The following EPHB2 variants were observed in gnomAD, a reference collection of about 807,000 sequenced individuals.
EPHB2 encodes ephrin type-B receptor 2.
Under a neutral mutation model 96.4 loss-of-function variants are expected in EPHB2, and 18 were observed. That is an observed-to-expected ratio of 0.19 (90% CI 0.13 to 0.28). The LOEUF (loss-of-function observed/expected upper bound fraction) is 0.28. Ranked by LOEUF, EPHB2 falls within the 10% of genes least tolerant of loss-of-function variation. The pLI is 1.00. For missense variants in EPHB2, 989 were observed against 1,355.4 expected (o/e 0.73, Z 4.25); for synonymous variants, 506 against 534.1 (o/e 0.95, Z 0.72).
rs1180184258 is a variant in EPHB2, at chr1:22,914,307, T to C, written c.*737T>C. 1.8e-5 allele frequency: 3 copies of C among 167,080 alleles called. No individual in the cohort carries two copies. The highest frequency in any genetic ancestry group is 1.8e-4 in the Admixed American group (3 of 17,142). 10.3% of individuals were successfully genotyped at this position (167,080 alleles called of 1,614,324 possible). A position where few individuals can be genotyped will look rare whatever the true frequency, so the allele number is the denominator to read the frequency against. On this transcript the variant is annotated 3_prime_UTR_variant, in exon 16 of 16. Coordinates refer to ENST00000374630, the MANE Select transcript of EPHB2 (RefSeq NM_017449.5). ...TTCCTGAGGATGGGCAACCCCCAGG[T>C]CTGCAGCTCCAGGTACATATCACGC...
intron 4 of EPHB2, among the ~76,000 whole-genome samples, chr1:22,863,832 C>T (rs1638362789): frequency 6.6e-6 from 1 of 152,166 alleles, no homozygotes. Flanking sequence ...TGCCCTCAGC[C>T]TTCTGCCCTC....
chr1:22,768,959 G>A (rs961838029), intron 1 of EPHB2, among the ~76,000 whole-genome samples: 2 of 152,156 alleles, frequency 1.3e-5, no homozygotes, highest in Non-Finnish European at 2.9e-5. Flanking sequence ...CTCCAGGCAG[G>A]GTTAGGATTC....
chr1:22,891,988 G>C (rs372581106), intron 6 of EPHB2, among the ~76,000 whole-genome samples: 17 of 150,734 alleles, frequency 1.1e-4, no homozygotes, highest in African/African-American at 4.1e-4. Context: ...TTAGAGAAAG[G>C]GTCTTGGTAT....
chr1:22,851,412 G>A (rs1403089924), intron 3 of EPHB2, among the ~76,000 whole-genome samples: 1 of 152,220 alleles, frequency 6.6e-6, no homozygotes, highest in Admixed American at 6.5e-5. Flanking sequence ...AGCTGGAGGA[G>A]GGCAAGGACA....
intron 5 of EPHB2, among the ~76,000 whole-genome samples, 184 bp downstream of exon 5, chr1:22,865,396 A>G (rs896048981): frequency 2.6e-5 from 4 of 152,190 alleles, no homozygotes; most frequent in Non-Finnish European, 4.4e-5. Context: ...ATTAATAACA[A>G]TTGCTCCCAT....
In EPHB2 at chr1:22,790,658, C is replaced by A. The variant is rs1644677324; in HGVS notation, c.811+5582C>A. ...CAGCAGGAACCCCCAACCTAGCCTT[C>A]TTTGGGGACCTTGCTCTGTTCTCTC... is the stretch of plus-strand genomic sequence containing the variant. On this transcript the variant is annotated intron_variant, in intron 3 of 15. Coordinates refer to ENST00000374630, the MANE Select transcript of EPHB2 (RefSeq NM_017449.5). The surrounding 1 kb of genome is among the most constrained non-coding windows in gnomAD (Gnocchi z 4.0). Among the ~76,000 whole-genome samples, 1 of 152,252 alleles carries A rather than the reference C, an allele frequency of 6.6e-6. No individual in the cohort carries two copies. Among genetic ancestry groups the A allele is most frequent in the Non-Finnish European group, 1.5e-5 (1 of 68,046 alleles).
chr1:22,912,706 G>A (rs1450065221), intron 15 of EPHB2, 107 bp downstream of exon 15: 38 of 1,550,256 alleles, frequency 2.5e-5, no homozygotes, highest in Non-Finnish European at 3.2e-5. Flanking sequence ...TGTCCCAATA[G>A]GGAAGCAGGG....
At chr1:22,869,236 G>A (rs1638580341) in intron 5 of EPHB2, among the ~76,000 whole-genome samples, 1 of 152,078 alleles carries the variant, frequency 6.6e-6, no homozygotes, top group African/African-American at 2.4e-5. Flanking sequence ...GAGAGGTAGA[G>A]TCATTTATGC....
At chr1:22,792,416 G>A (rs1001237862) in intron 3 of EPHB2, among the ~76,000 whole-genome samples, 5 of 152,208 alleles carry the variant, frequency 3.3e-5, no homozygotes, top group African/African-American at 1.2e-4. Context: ...AGACCCCCAG[G>A]CTCAGGCCAG....
At chr1:22,806,100 T>C (rs996160455) in intron 3 of EPHB2, among the ~76,000 whole-genome samples, 2 of 152,246 alleles carry the variant, frequency 1.3e-5, no homozygotes, top group African/African-American at 2.4e-5. Context: ...TAGACCACGG[T>C]TCTTCCCATC....
intron 5 of EPHB2, among the ~76,000 whole-genome samples, chr1:22,867,086 A>T (rs1008735706): frequency 5.3e-5 from 8 of 152,188 alleles, no homozygotes; most frequent in African/African-American, 1.9e-4. Flanking sequence ...GAGTCACAAA[A>T]CCAGGAAGAG....
Position 22,814,468 on chromosome 1 carries a change from G to T in EPHB2, c.811+29392G>T, listed in dbSNP as rs146297107. Reference sequence around the variant, plus strand: ...TACCTATGCAGGGTGATGCTGGAAAGTGGGGGGGTGCAAATGGAGGGAAAC... The same window carrying T: ...TACCTATGCAGGGTGATGCTGGAAATTGGGGGGGTGCAAATGGAGGGAAAC... On this transcript the variant is annotated intron_variant, in intron 3 of 15. Transcript: ENST00000374630. 3.9e-5 allele frequency among the ~76,000 whole-genome samples: 6 copies of T among 152,188 alleles called. No individual in the cohort carries two copies. The East Asian group carries it at 1.2e-3, about 29-fold the overall frequency.
At chr1:22,819,786 G>A (rs1329669258) in intron 3 of EPHB2, among the ~76,000 whole-genome samples, 1 of 150,846 alleles carries the variant, frequency 6.6e-6, no homozygotes, top group Non-Finnish European at 1.5e-5. Flanking sequence ...CACATCTAAT[G>A]GCTTTTATTT....
At position 22,906,738 on chromosome 1, in the gene EPHB2, C is replaced by T; in HGVS notation, c.1917C>T (p.His639=). 6.2e-7 allele frequency: 1 copy of T among 1,614,190 alleles called. No homozygotes were observed. Among genetic ancestry groups the T allele is most frequent in the Non-Finnish European group, 8.5e-7 (1 of 1,180,034 alleles). The part of the protein sequence containing the change: ...AGEFGEVCSG[H]LKLPGKREIF... ...AGTTTGGCGAGGTCTGCAGTGGCCA[C>T]CTGAAGCTGCCAGGCAAGAGAGAGA... is the stretch of plus-strand genomic sequence containing the variant. The change falls in exon 11 of 16, where the codon CAC becomes CAT. Residue 639 remains histidine (H), a synonymous_variant. Coordinates refer to ENST00000374630, the MANE Select transcript of EPHB2 (RefSeq NM_017449.5). This position sits in a 1 kb window ranked among gnomAD's most constrained non-coding sequence, Gnocchi z 4.8.
intron 1 of EPHB2, among the ~76,000 whole-genome samples, chr1:22,778,452 A>G (rs563064131): frequency 4.6e-5 from 7 of 152,262 alleles, no homozygotes; most frequent in African/African-American, 1.4e-4. Context: ...GCAGAGGTAG[A>G]GGGAGGGGTT....
At chr1:22,814,248 C>T (rs969935387) in intron 3 of EPHB2, among the ~76,000 whole-genome samples, 3 of 152,184 alleles carry the variant, frequency 2.0e-5, no homozygotes, top group African/African-American at 7.2e-5. Context: ...ACTGAGGACC[C>T]ATTGAGTGCC....
chr1:22,791,180 CTTT>C (rs376108373), intron 3 of EPHB2, among the ~76,000 whole-genome samples: 1 of 147,770 alleles, frequency 6.8e-6, no homozygotes, highest in African/African-American at 2.5e-5. Flanking sequence ...TGCCTGTGAA[CTTT>C]TTTTTTTTCC....
At chr1:22,861,721 T>G (rs1449096176) in intron 3 of EPHB2, among the ~76,000 whole-genome samples, 1 of 152,022 alleles carries the variant, frequency 6.6e-6, no homozygotes, top group Non-Finnish European at 1.5e-5. Flanking sequence ...CAGAGCTGGT[T>G]GAGGGTTGAG....
rs572553699 is a variant in EPHB2 at position 22,815,157 on chromosome 1, A to G, written c.811+30081A>G. Among the ~76,000 whole-genome samples, 15 of 152,300 alleles carry G rather than the reference A, an allele frequency of 9.8e-5. No homozygotes were observed. The East Asian group carries it at 2.9e-3, about 29-fold the overall frequency. ...CATTGACGGCAGAGCCATGTGGGCC[A>G]AGACCACCTCTCTGGCCCACCACGT... On this transcript the variant is annotated intron_variant, in intron 3 of 15. Transcript: ENST00000374630.
Sources: gnomAD v4.1 joint callset for allele counts (sites outside exome capture counted in the v4.1 genomes callset) on GRCh38, gnomAD v4.1.1 for gene constraint, Gnocchi (gnomAD v3.1) non-coding constraint, MANE v1.5 for transcripts, NCBI Gene and HGNC (gene_info 2026-07-23, HGNC 2026-07-21) for gene names.